The following MAPK6 variants were observed in gnomAD, a reference collection of about 807,000 sequenced individuals.
MAPK6 encodes mitogen-activated protein kinase 6.
In MAPK6, 19 loss-of-function variants were observed where a neutral mutation model predicts 59.3. The observed-to-expected ratio is 0.32, with a 90% CI of 0.22 to 0.47. MAPK6 has a LOEUF of 0.47. Ranked by LOEUF, MAPK6 falls within the 20% of genes least tolerant of loss-of-function variation. MAPK6 has a pLI of 1.00. For synonymous variants in MAPK6, 316 were observed against 290.3 expected (o/e 1.09, Z -0.90); for missense variants, 724 against 847.9 (o/e 0.85, Z 1.81).
chr15:51,996,206 C>T (rs1021049934), intron 2 of MAPK6, among the ~76,000 whole-genome samples: 7 of 152,120 alleles, frequency 4.6e-5, no homozygotes, highest in Non-Finnish European at 7.3e-5. Context: ...TTCCCCTTAT[C>T]GTATAACAGA....
At chr15:52,048,276 A>G (rs1348899846) in intron 2 of MAPK6, among the ~76,000 whole-genome samples, 2 of 152,090 alleles carry the variant, frequency 1.3e-5, no homozygotes, top group African/African-American at 2.4e-5. Context: ...CAGCCTCCCA[A>G]GTAGCTGGGA....
chr15:52,042,268 C>T (rs562534924), intron 1 of MAPK6, among the ~76,000 whole-genome samples: 144 of 152,306 alleles, frequency 9.5e-4, no homozygotes, highest in Non-Finnish European at 1.7e-3. Flanking sequence ...TTTTTCTCCC[C>T]CAGATGTTTA....
At position 52,064,050 on chromosome 15, in the gene MAPK6, C is replaced by T. The variant is rs559503234; in HGVS notation, c.1216C>T (p.Arg406Trp). The change falls in exon 6 of 6, where the codon CGG becomes TGG. Residue 406 changes from arginine to tryptophan, a missense_variant. Around this residue, in one of 4 missense-constraint regions of MAPK6, gnomAD observed 502 missense variants for 507.6 expected, o/e 0.99. Transcript: ENST00000261845. Reference protein sequence around the residue: ...VDPRKYLDGDREKYLEDPAFD... With the variant: ...VDPRKYLDGDWEKYLEDPAFD... The stretch of plus-strand genomic sequence containing the variant: ...TCCCCGAAAATATTTGGATGGAGAT[C>T]GGGAAAAGTATCTGGAGGATCCTGC... 3.2e-5 allele frequency: 52 copies of T among 1,613,504 alleles called. No individual in the cohort carries two copies. Among genetic ancestry groups the T allele is most frequent in the South Asian group, 9.9e-5 (9 of 91,014 alleles).
At chr15:52,007,281 C>T (rs1391194491) in intron 3 of MAPK6, among the ~76,000 whole-genome samples, 9 of 152,118 alleles carry the variant, frequency 5.9e-5, no homozygotes, top group Non-Finnish European at 1.2e-4. Context: ...GGAGTGGGAG[C>T]AGGTGGGGAG....
chr15:52,021,813 C>T (rs1047038152), intron 1 of MAPK6, among the ~76,000 whole-genome samples: 1 of 151,746 alleles, frequency 6.6e-6, no homozygotes, highest in African/African-American at 2.4e-5. Context: ...ATATATTGTG[C>T]TTTGTGATTT....
intron 1 of MAPK6, among the ~76,000 whole-genome samples, chr15:51,974,726 C>A (rs1270598186): frequency 7.0e-6 from 1 of 142,238 alleles, no homozygotes; most frequent in Admixed American, 7.0e-5. Context: ...TTTCTTTTTT[C>A]CCCCCCCGCA....
chr15:52,034,799 G>A (rs1228978631), intron 1 of MAPK6, among the ~76,000 whole-genome samples: 2 of 152,186 alleles, frequency 1.3e-5, no homozygotes, highest in Non-Finnish European at 2.9e-5. Context: ...CCGGGTTCAA[G>A]TGATTCTCCT....
upstream of MAPK6, among the ~76,000 whole-genome samples, chr15:52,015,144 G>A (rs369028347): frequency 4.7e-4 from 71 of 151,240 alleles, no homozygotes; most frequent in Non-Finnish European, 7.7e-4. Flanking sequence ...GGGATTACAG[G>A]CATGCACCAC....
Position 52,046,533 on chromosome 15 carries a change from C to T in MAPK6, c.73C>T (p.Pro25Ser). The change falls in exon 2 of 6, where the codon CCA (proline) becomes TCA (serine). Residue 25 changes from proline to serine, a missense_variant. Pro to Ser is a moderately conservative substitution (Grantham distance 74). Around this residue, in one of 4 missense-constraint regions of MAPK6, gnomAD observed 30 missense variants for 55.3 expected, o/e 0.54. Coordinates refer to ENST00000261845, the MANE Select transcript of MAPK6 (RefSeq NM_002748.4). ...GGGTTCTAGGTATATGGACTTAAAACCATTGGGTTGTGGAGGCAATGGCTT... is the reference window on the plus strand; with the variant it reads ...GGGTTCTAGGTATATGGACTTAAAATCATTGGGTTGTGGAGGCAATGGCTT... ...DLGSRYMDLK[P>S]LGCGGNGLVF... The T allele has an allele frequency of 6.2e-7, 1 of 1,614,004 alleles. No homozygotes were observed. Among genetic ancestry groups the T allele is most frequent in the East Asian group, 2.2e-5 (1 of 44,886 alleles).
At chr15:52,003,016 G>A (rs1217772109) in intron 2 of MAPK6, among the ~76,000 whole-genome samples, 4 of 152,120 alleles carry the variant, frequency 2.6e-5, no homozygotes, top group South Asian at 2.1e-4. Context: ...GTGAAACCCC[G>A]TCTCTACTAA....
At chr15:52,030,654 C>G (rs2030994500) in intron 1 of MAPK6, among the ~76,000 whole-genome samples, 1 of 108,416 alleles carries the variant, frequency 9.2e-6, no homozygotes, top group Non-Finnish European at 1.7e-5. Flanking sequence ...GGCAGAGTCT[C>G]ACTCTGTTGC....
intron 1 of MAPK6, among the ~76,000 whole-genome samples, chr15:51,974,790 T>G (rs973757501): frequency 1.1e-4 from 17 of 150,092 alleles, no homozygotes; most frequent in Non-Finnish European, 2.4e-4. Context: ...TGACCTTGGC[T>G]CACTGCAACC....
chr15:52,064,676 G>C lies in MAPK6; in HGVS notation c.1842G>C (p.Arg614Ser), dbSNP rs1254330272. 6.2e-7 allele frequency: 1 copy of C among 1,611,796 alleles called. No homozygotes were observed. The highest frequency in any genetic ancestry group is 8.5e-7 in the Non-Finnish European group (1 of 1,179,820). ...CFFINQFCEV[R>S]KDEQVEKENT... ...TCATAAATCAGTTTTGTGAGGTAAG[G>C]AAGGATGAACAAGTTGAGAAGGAAA... The change falls in exon 6 of 6, where the codon AGG becomes AGC. Residue 614 changes from arginine to serine, a missense_variant. Around this residue, in one of 4 missense-constraint regions of MAPK6, gnomAD observed 502 missense variants for 507.6 expected, o/e 0.99. Transcript: ENST00000261845.
chr15:52,007,767 G>A (rs1477203894), intron 3 of MAPK6, among the ~76,000 whole-genome samples: 1 of 149,828 alleles, frequency 6.7e-6, no homozygotes, highest in African/African-American at 2.4e-5. Context: ...CTATTTTTTA[G>A]CTCTTACATA....
chr15:52,065,922 T>A lies in MAPK6; in HGVS notation c.*922T>A, dbSNP rs182410403. 230 of 152,708 alleles carry A rather than the reference T, an allele frequency of 1.5e-3. 1 individual carries two copies. The highest frequency in any genetic ancestry group is 5.5e-3 in the African/African-American group (228 of 41,562). 9.5% of individuals were successfully genotyped at this position (152,708 alleles called of 1,614,324 possible). A position where few individuals can be genotyped will look rare whatever the true frequency, so the allele number is the denominator to read the frequency against. ...GCTTGATCTATCTACAAAGAAAAAT[T>A]AATTAGGAATTACTTTATTATAAAA... is the stretch of plus-strand genomic sequence containing the variant. On this transcript the variant is annotated 3_prime_UTR_variant, in exon 6 of 6. Coordinates refer to ENST00000261845, the MANE Select transcript of MAPK6 (RefSeq NM_002748.4).
At chr15:51,992,012 A>C (rs2057210249) in intron 2 of MAPK6, among the ~76,000 whole-genome samples, 1 of 152,160 alleles carries the variant, frequency 6.6e-6, no homozygotes, top group East Asian at 1.9e-4. Flanking sequence ...GCTGGAGTGC[A>C]GTGGCTTGAT....
At chr15:51,987,425 T>TGAAACCCTGTAGTA (rs2057194257) in intron 2 of MAPK6, among the ~76,000 whole-genome samples, 1 of 152,058 alleles carries the variant, frequency 6.6e-6, no homozygotes, top group African/African-American at 2.4e-5. Context: ...GCCAACATGG[T>TGAAACCCTGTAGTA]GAAACGTCGT....
intron 3 of MAPK6, among the ~76,000 whole-genome samples, chr15:52,053,948 T>C (rs1168299798): frequency 1.3e-5 from 2 of 151,956 alleles, no homozygotes; most frequent in Admixed American, 1.3e-4. Flanking sequence ...GAAACAAGAT[T>C]TTAATTCTGA....
chr15:52,039,167 G>C (rs1008383008), intron 1 of MAPK6, among the ~76,000 whole-genome samples: 3 of 152,068 alleles, frequency 2.0e-5, no homozygotes, highest in African/African-American at 7.2e-5. Flanking sequence ...GCACCACCAT[G>C]CCAAGCTAAT....
Sources: gnomAD v4.1 joint callset for allele counts (sites outside exome capture counted in the v4.1 genomes callset) on GRCh38, gnomAD v4.1.1 for gene constraint, gnomAD v4.1.1 regional missense constraint, MANE v1.5 for transcripts, NCBI Gene and HGNC (gene_info 2026-07-23, HGNC 2026-07-21) for gene names.